EIF4G2: variants seen among roughly 807,000 people sequenced by gnomAD.
The protein encoded by EIF4G2 is DAP-5.
Under a neutral mutation model 117.7 loss-of-function variants are expected in EIF4G2, and 8 were observed. The observed-to-expected ratio is 0.07, with a 90% CI of 0.04 to 0.12. The LOEUF is 0.12. EIF4G2 is among the 10% of genes least tolerant of loss of function. The pLI is 1.00. For synonymous variants in EIF4G2, 413 were observed against 367.8 expected (o/e 1.12, Z -1.41); for missense variants, 812 against 1,086.2 (o/e 0.75, Z 3.55).
rs181268978 is a variant in EIF4G2 at position 10,802,723 on chromosome 11, G to C, written c.997-288C>G. ...TCTACTAAAAATACAAAAAATTAGCGGGGTGTGGTGGCGCACGCCTATAGT... is the reference window on the plus strand; with the variant it reads ...TCTACTAAAAATACAAAAAATTAGCCGGGTGTGGTGGCGCACGCCTATAGT... On this transcript the variant is annotated intron_variant, in intron 11 of 21. Transcript: ENST00000339995. 2.3e-3 allele frequency among the ~76,000 whole-genome samples: 347 copies of C among 152,152 alleles called. 4 individuals are homozygous for C. Among genetic ancestry groups the C allele is most frequent in the African/African-American group, 5.8e-3 (242 of 41,524 alleles).
In EIF4G2 at chr11:10,797,760, G is replaced by T; in HGVS notation, c.*56C>A. The T allele has an allele frequency of 1.3e-6, 2 of 1,552,784 alleles. No individual in the cohort carries two copies. Among genetic ancestry groups the T allele is most frequent in the Non-Finnish European group, 1.8e-6 (2 of 1,127,262 alleles). On this transcript the variant is annotated 3_prime_UTR_variant, in exon 22 of 22. Transcript: ENST00000339995. This position sits in a 1 kb window ranked among gnomAD's most constrained non-coding sequence, Gnocchi z 4.5. ...AATTTTCGCAGTGGTTAGGTCAAAT[G>T]CAGTTACATCATAGCAACAGTATGT...
In EIF4G2 at chr11:10,803,742, C is replaced by T; in HGVS notation, c.703-152G>A. ...CCAGTCTGGTTGATCAGTTCTAACT[C>T]TACTTTGTCAAACACACCACGTATT... is the stretch of plus-strand genomic sequence containing the variant. On this transcript the variant is annotated intron_variant, in intron 8 of 21. Transcript: ENST00000339995. This position sits in a 1 kb window ranked among gnomAD's most constrained non-coding sequence, Gnocchi z 4.0. 4.2e-6 allele frequency: 5 copies of T among 1,176,880 alleles called. No homozygotes were observed. The highest frequency in any genetic ancestry group is 6.0e-6 in the Non-Finnish European group (5 of 833,600). The allele number at this position is 1,176,880 out of a possible 1,614,324, so 72.9% of individuals were successfully genotyped here.
In EIF4G2 at chr11:10,799,439, G is replaced by T. The variant is rs1233918578; in HGVS notation, c.2325-15C>A. 1.2e-6 allele frequency: 2 copies of T among 1,611,670 alleles called. No individual in the cohort carries two copies. The highest frequency in any genetic ancestry group is 3.3e-5 in the Admixed American group (2 of 60,002). On this transcript the variant is annotated splice_polypyrimidine_tract_variant and intron_variant, in intron 19 of 21. Coordinates refer to ENST00000339995, the MANE Select transcript of EIF4G2 (RefSeq NM_001418.4). ...ACTGTAAGAAGCTGGACAGAAAGAGGTCTTGTTAGAACCCAACAGTGAGTT... is the reference window on the plus strand; with the variant it reads ...ACTGTAAGAAGCTGGACAGAAAGAGTTCTTGTTAGAACCCAACAGTGAGTT...
At chr11:10,806,580 CATT>C (rs1261335033) in intron 3 of EIF4G2, 28 of 497,534 alleles carry the variant, frequency 5.6e-5, no homozygotes, top group Non-Finnish European at 8.6e-5. Context: ...CAGAAAAACA[CATT>C]AGTAAAAATA....
At position 10,799,018 on chromosome 11, in the gene EIF4G2, G is replaced by C; in HGVS notation, c.2632C>G (p.Pro878Ala). The change falls in exon 21 of 22, where the codon CCG becomes GCG. Residue 878 changes from proline to alanine, a missense_variant. Physicochemically the swap from Pro to Ala is conservative, Grantham distance 27. Transcript: ENST00000339995. ...TGGAACAAAGCCTTGCCTTTTCCCG[G>C]AAACTCTTGGGTTATATCTTCTTTC... is the stretch of plus-strand genomic sequence containing the variant. 1 of 1,609,488 alleles carries C rather than the reference G, an allele frequency of 6.2e-7. No homozygotes were observed.
rs1847487205 is a variant in EIF4G2 at position 10,803,650 on chromosome 11, T to C, written c.703-60A>G. ...AGTTACTCTGGTTTAGGCGTAGTACTTTCTTTCCCTTTATGTTTGCACTGA... is the reference window on the plus strand; with the variant it reads ...AGTTACTCTGGTTTAGGCGTAGTACCTTCTTTCCCTTTATGTTTGCACTGA... On this transcript the variant is annotated intron_variant, in intron 8 of 21. Coordinates refer to ENST00000339995, the MANE Select transcript of EIF4G2 (RefSeq NM_001418.4). The surrounding 1 kb of genome is among the most constrained non-coding windows in gnomAD (Gnocchi z 4.0). 7.0e-7 allele frequency: 1 copy of C among 1,424,298 alleles called. No homozygotes were observed. The highest frequency in any genetic ancestry group is 1.7e-5 in the Admixed American group (1 of 58,774). The allele number at this position is 1,424,298 out of a possible 1,614,324, so 88.2% of individuals were successfully genotyped here. A position where few individuals can be genotyped will look rare whatever the true frequency, so the allele number is the denominator to read the frequency against.
intron 11 of EIF4G2, among the ~76,000 whole-genome samples, chr11:10,802,818 G>A (rs1463669858): frequency 2.0e-5 from 3 of 152,198 alleles, no homozygotes; most frequent in African/African-American, 7.2e-5. Flanking sequence ...AGTGAATCGA[G>A]AATGCGCCAC....
At position 10,799,430 on chromosome 11, in the gene EIF4G2, C is replaced by T; in HGVS notation, c.2325-6G>A. The stretch of plus-strand genomic sequence containing the variant: ...TAGAAATGTACTGTAAGAAGCTGGA[C>T]AGAAAGAGGTCTTGTTAGAACCCAA... On this transcript the variant is annotated splice_region_variant and splice_polypyrimidine_tract_variant and intron_variant, in intron 19 of 21. Transcript: ENST00000339995. 1.2e-6 allele frequency: 2 copies of T among 1,611,688 alleles called. No homozygotes were observed. The highest frequency in any genetic ancestry group is 8.5e-7 in the Non-Finnish European group (1 of 1,179,986).
rs953645741 is a variant in EIF4G2, at chr11:10,806,105, T to C, written c.108-58A>G. ...GTCACACACCAAATGTTAAACATCA[T>C]AAATTCTCTTACATAGAAAAAAGTA... On this transcript the variant is annotated intron_variant, in intron 3 of 21. Transcript: ENST00000339995. 2.0e-5 allele frequency: 32 copies of C among 1,606,896 alleles called. No individual in the cohort carries two copies. In the Middle Eastern group the frequency reaches 8.3e-4, roughly 41 times the overall value.
intron 2 of EIF4G2, 163 bp downstream of exon 2, chr11:10,807,086 ATTGATT>A: frequency 9.2e-6 from 11 of 1,201,636 alleles, no homozygotes; most frequent in Non-Finnish European, 1.2e-5. Context: ...AAGGCAAATA[ATTGATT>A]TTATTTATTC....
At chr11:10,801,961 C>T in intron 13 of EIF4G2, 88 bp downstream of exon 13, 1 of 481,794 alleles carries the variant, frequency 2.1e-6, no homozygotes, top group Non-Finnish European at 2.4e-6. Context: ...TTTACTAATA[C>T]TTTACTAATC....
chr11:10,802,456 T>A (rs567650035), intron 11 of EIF4G2, 21 bp from the exon 12 acceptor site: 7 of 1,545,454 alleles, frequency 4.5e-6, no homozygotes, highest in Non-Finnish European at 5.2e-6. Context: ...GAAGTGAATA[T>A]GCACTTTTTG....
intron 21 of EIF4G2, chr11:10,798,724 G>A (rs374153165): frequency 4.7e-5 from 13 of 274,576 alleles, no homozygotes; most frequent in African/African-American, 1.6e-4. Context: ...AGCTTAAATC[G>A]AAACTTGTAC....
chr11:10,799,875 A>T (rs1001863892), intron 18 of EIF4G2, 119 bp from the exon 19 acceptor site: 1 of 1,285,588 alleles, frequency 7.8e-7, no homozygotes, highest in African/African-American at 1.5e-5. Flanking sequence ...AGCAGAATAG[A>T]GAACCAACCC....
intron 17 of EIF4G2, 35 bp from the exon 18 acceptor site, chr11:10,800,383 G>A (rs374189706): frequency 1.4e-5 from 23 of 1,612,282 alleles, no homozygotes; most frequent in Admixed American, 3.3e-5. Flanking sequence ...ATCAGTTTTC[G>A]AATTTGAGTG....
intron 3 of EIF4G2, chr11:10,806,350 A>AT (rs35956622): frequency 1.5e-4 from 59 of 390,060 alleles, no homozygotes; most frequent in East Asian, 1.4e-3. Flanking sequence ...GAAAATTAAC[A>AT]TTTTTTTTAA....
chr11:10,807,607 TAAACGGCTCA>T (rs1208752999), intron 1 of EIF4G2: 8 of 1,166,330 alleles, frequency 6.9e-6, no homozygotes, highest in Non-Finnish European at 8.5e-6. Context: ...AAGAGCATTT[TAAACGGCTCA>T]GAACGAATCT....
rs1468338271 is a variant in EIF4G2 at position 10,803,907 on chromosome 11, T to C, written c.694A>G (p.Ile232Val). Reference sequence around the variant, plus strand: ...TTCCCTGTCACACTTACTGTTTTGATGCACTTATGAAGGATAGATTCGTGA... The same window carrying C: ...TTCCCTGTCACACTTACTGTTTTGACGCACTTATGAAGGATAGATTCGTGA... The change falls in exon 8 of 22, where the codon ATC (isoleucine) becomes GTC (valine). Residue 232 changes from isoleucine to valine, a missense_variant. Coordinates refer to ENST00000339995, the MANE Select transcript of EIF4G2 (RefSeq NM_001418.4). The surrounding 1 kb of genome is among the most constrained non-coding windows in gnomAD (Gnocchi z 4.0). The C allele has an allele frequency of 6.2e-7, 1 of 1,611,526 alleles. No homozygotes were observed.
chr11:10,807,473 T>C (rs532168362), intron 1 of EIF4G2, 92 bp from the exon 2 acceptor site: 8 of 1,417,264 alleles, frequency 5.6e-6, no homozygotes, highest in Admixed American at 6.0e-5. Flanking sequence ...ATCCTGGCAC[T>C]GTCACTGCAT....
Sources: gnomAD v4.1 joint callset for allele counts (sites outside exome capture counted in the v4.1 genomes callset) on GRCh38, gnomAD v4.1.1 for gene constraint, Gnocchi (gnomAD v3.1) non-coding constraint, MANE v1.5 for transcripts, NCBI Gene and HGNC (gene_info 2026-07-23, HGNC 2026-07-21) for gene names.